PRIM1: variants seen among roughly 807,000 people sequenced by gnomAD.
PRIM1 encodes DNA primase subunit 1.
PRIM1 carries 38 observed loss-of-function variants against 60.2 expected under a neutral mutation model. That is an observed-to-expected ratio of 0.63 (90% CI 0.49 to 0.83). The LOEUF (loss-of-function observed/expected upper bound fraction) is 0.83, where lower values mean the gene tolerates loss of function less well. PRIM1 is among the 40% of genes least tolerant of loss of function. The pLI, the probability that PRIM1 is intolerant of heterozygous loss-of-function variation, is 0.00. For synonymous variants in PRIM1, 158 were observed against 160.2 expected (o/e 0.99, Z 0.10); for missense variants, 388 against 506.2 (o/e 0.77, Z 2.24).
intron 11 of PRIM1, among the ~76,000 whole-genome samples, chr12:56,734,652 C>T (rs538425080): frequency 6.6e-6 from 1 of 150,580 alleles, no homozygotes; most frequent in East Asian, 1.9e-4. Flanking sequence ...CGAGTGATCT[C>T]CCAGCCTCGG....
intron 2 of PRIM1, 124 bp downstream of exon 2, chr12:56,750,914 A>T: frequency 1.7e-6 from 1 of 588,536 alleles, no homozygotes; most frequent in Non-Finnish European, 2.6e-6. Context: ...CTTGCCAAAC[A>T]ATTAAAAAGT....
chr12:56,740,764 A>AT (rs1180370470), intron 9 of PRIM1, among the ~76,000 whole-genome samples: 4 of 151,572 alleles, frequency 2.6e-5, no homozygotes, highest in Admixed American at 6.6e-5. Context: ...CTCGAAAAAA[A>AT]TTTTTTTTTG....
At chr12:56,751,275 T>G (rs558910465) in intron 1 of PRIM1, 80 bp from the exon 2 acceptor site, 30 of 966,112 alleles carry the variant, frequency 3.1e-5, no homozygotes, top group Non-Finnish European at 3.9e-5. Context: ...CAATGAGAAG[T>G]TTTTTTTTTC....
intron 5 of PRIM1, among the ~76,000 whole-genome samples, chr12:56,744,927 A>C (rs896204913): frequency 1.3e-5 from 2 of 151,940 alleles, no homozygotes; most frequent in African/African-American, 2.4e-5. Flanking sequence ...CCCTGTTTCC[A>C]CCTGCCAACA....
chr12:56,747,165 A>G, intron 2 of PRIM1, 133 bp from the exon 3 acceptor site: 1 of 672,598 alleles, frequency 1.5e-6, no homozygotes. Flanking sequence ...ATGACAGTGA[A>G]AGTTCATTAT....
chr12:56,745,043 G>T (rs1183971014), intron 5 of PRIM1, among the ~76,000 whole-genome samples: 1 of 151,060 alleles, frequency 6.6e-6, no homozygotes, highest in Middle Eastern at 3.4e-3. Flanking sequence ...GGACGCGGAG[G>T]TTGTGGTGAG....
At chr12:56,738,331 C>A in intron 11 of PRIM1, 103 bp downstream of exon 11, 1 of 1,434,664 alleles carries the variant, frequency 7.0e-7, no homozygotes, top group Non-Finnish European at 9.3e-7. Context: ...AGGACAAATG[C>A]TGATCCATTC....
At chr12:56,734,434 C>T (rs893054420) in intron 11 of PRIM1, among the ~76,000 whole-genome samples, 189 bp from the exon 12 acceptor site, 1 of 152,136 alleles carries the variant, frequency 6.6e-6, no homozygotes, top group African/African-American at 2.4e-5. Flanking sequence ...GGATTTCACT[C>T]TGTCATGCAG....
In PRIM1 at chr12:56,742,971, T is replaced by C; in HGVS notation, c.748+16A>G. ...AAACAACTAGCTCACACAGAAATGATCACGGGAAAGGATATTTTCAGGAAC... is the reference window on the plus strand; with the variant it reads ...AAACAACTAGCTCACACAGAAATGACCACGGGAAAGGATATTTTCAGGAAC... On this transcript the variant is annotated intron_variant, in intron 7 of 12. Coordinates refer to ENST00000338193, the MANE Select transcript of PRIM1 (RefSeq NM_000946.3). 6.7e-7 allele frequency: 1 copy of C among 1,499,162 alleles called. No homozygotes were observed. The highest frequency in any genetic ancestry group is 8.9e-7 in the Non-Finnish European group (1 of 1,119,562). 92.9% of individuals were successfully genotyped at this position (1,499,162 alleles called of 1,614,324 possible).
chr12:56,752,223 A>G lies in PRIM1; in HGVS notation c.76T>C (p.Tyr26His). 1 of 1,602,568 alleles carries G rather than the reference A, an allele frequency of 6.2e-7. No individual in the cohort carries two copies. Among genetic ancestry groups the G allele is most frequent in the Non-Finnish European group, 8.5e-7 (1 of 1,174,392 alleles). ...YYRRLFPYSQ[Y>H]YRWLNYGGVI... ...CCACCGTAGTTGAGCCAGCGATAGT[A>G]CTGAGAGTAGGGAAAGAGCCTCCGG... The change falls in exon 1 of 13, where the codon TAC becomes CAC. Residue 26 changes from tyrosine to histidine, a missense_variant. By Grantham distance (83) the Tyr-to-His change is moderately conservative. Coordinates refer to ENST00000338193, the MANE Select transcript of PRIM1 (RefSeq NM_000946.3).
intron 9 of PRIM1, among the ~76,000 whole-genome samples, chr12:56,740,344 A>G (rs566304696): frequency 7.9e-5 from 12 of 151,056 alleles, no homozygotes; most frequent in African/African-American, 2.9e-4. Context: ...TAATATTTAC[A>G]TTGGCTTGGT....
intron 9 of PRIM1, among the ~76,000 whole-genome samples, chr12:56,741,193 G>T (rs1375909671): frequency 6.6e-6 from 1 of 151,948 alleles, no homozygotes; most frequent in Non-Finnish European, 1.5e-5. Flanking sequence ...GAGAGCTGTT[G>T]TCCTAAGATT....
chr12:56,740,981 T>C (rs566508832), intron 9 of PRIM1, among the ~76,000 whole-genome samples: 1 of 152,122 alleles, frequency 6.6e-6, no homozygotes, highest in African/African-American at 2.4e-5. Flanking sequence ...GTCTAGCTAA[T>C]TTTTGTATTT....
chr12:56,738,306 A>G, intron 11 of PRIM1, 128 bp downstream of exon 11: 1 of 1,300,324 alleles, frequency 7.7e-7, no homozygotes, highest in Non-Finnish European at 1.0e-6. Flanking sequence ...GGACACAAAC[A>G]TTGTATGCAG....
chr12:56,739,251 A>C, intron 10 of PRIM1, 43 bp downstream of exon 10: 1 of 1,373,696 alleles, frequency 7.3e-7, no homozygotes, highest in Non-Finnish European at 9.9e-7. Context: ...AAAATTCATA[A>C]CAACAATTAC....
chr12:56,738,464 C>T lies in PRIM1; in HGVS notation c.1114G>A (p.Ala372Thr). The T allele has an allele frequency of 6.3e-7, 1 of 1,586,580 alleles. No homozygotes were observed. The highest frequency in any genetic ancestry group is 2.3e-5 in the East Asian group (1 of 44,176). The change falls in exon 11 of 13, where the codon GCT (alanine) becomes ACT (threonine). Residue 372 changes from alanine (A) to threonine (T), a missense_variant. Around this residue, in one of 3 missense-constraint regions of PRIM1, gnomAD observed 211 missense variants for 277.9 expected, o/e 0.76. Transcript: ENST00000338193. ...TNEEEKEENEAESDVKHRTRD... is the reference protein window; with the variant it reads ...TNEEEKEENETESDVKHRTRD... Reference sequence around the variant, plus strand: ...GTTCTATGTTTGACATCAGATTCAGCTTCATTCTCCTCTTTTTCCTCTTCA... The same window carrying T: ...GTTCTATGTTTGACATCAGATTCAGTTTCATTCTCCTCTTTTTCCTCTTCA...
rs147842497 is a variant in PRIM1, at chr12:56,732,970, T to A, written c.1243+1177A>T. Reference sequence around the variant, plus strand: ...CCCAGCTTCAAGTGATTCTCCTGCCTCAGCCTCCCAAGTAGCTGGGATTAC... The same window carrying A: ...CCCAGCTTCAAGTGATTCTCCTGCCACAGCCTCCCAAGTAGCTGGGATTAC... On this transcript the variant is annotated intron_variant, in intron 12 of 12. Transcript: ENST00000338193. Among the ~76,000 whole-genome samples the A allele has an allele frequency of 2.6e-4, 39 of 151,808 alleles. No homozygotes were observed. The East Asian group carries it at 5.2e-3, about 20-fold the overall frequency.
At chr12:56,751,885 C>T (rs1953966704) in intron 1 of PRIM1, 1 of 186,078 alleles carries the variant, frequency 5.4e-6, no homozygotes, top group Non-Finnish European at 1.1e-5. Context: ...CGCTACGCCC[C>T]AGTAACCCCC....
intron 11 of PRIM1, 112 bp downstream of exon 11, chr12:56,738,322 G>T: frequency 7.1e-7 from 1 of 1,406,574 alleles, no homozygotes; most frequent in Non-Finnish European, 9.5e-7. Context: ...TGCAGTTCCA[G>T]GACAAATGCT....
Sources: gnomAD v4.1 joint callset for allele counts (sites outside exome capture counted in the v4.1 genomes callset) on GRCh38, gnomAD v4.1.1 for gene constraint, gnomAD v4.1.1 regional missense constraint, MANE v1.5 for transcripts, NCBI Gene and HGNC (gene_info 2026-07-23, HGNC 2026-07-21) for gene names.